The following MDGA2 variants were observed in gnomAD, a reference collection of about 807,000 sequenced individuals.
MDGA2 encodes the protein MAM domain-containing glycosylphosphatidylinositol anchor protein 2.
Under a neutral mutation model 117.8 loss-of-function variants are expected in MDGA2, and 40 were observed. The observed-to-expected ratio is 0.34, with a 90% CI of 0.26 to 0.44. The LOEUF is 0.44. Among genes scored for constraint, MDGA2 ranks in the 20% least tolerant of loss-of-function variants. The pLI is 1.00. For synonymous variants in MDGA2, 452 were observed against 439.0 expected (o/e 1.03, Z -0.37); for missense variants, 1,123 against 1,250.6 (o/e 0.90, Z 1.54).
chr14:47,437,220 C>A (rs1363014529), intron 1 of MDGA2, among the ~76,000 whole-genome samples: 1 of 151,996 alleles, frequency 6.6e-6, no homozygotes, highest in Non-Finnish European at 1.5e-5. Context: ...ACTACATGGA[C>A]AACTAGCATT....
chr14:47,083,056 A>G (rs1890766362), intron 6 of MDGA2, among the ~76,000 whole-genome samples: 1 of 151,984 alleles, frequency 6.6e-6, no homozygotes, highest in Non-Finnish European at 1.5e-5. Flanking sequence ...ACAAGGAGGA[A>G]AAATTAGGAC....
chr14:47,241,479 T>G (rs1171559431), intron 2 of MDGA2, among the ~76,000 whole-genome samples: 1 of 151,934 alleles, frequency 6.6e-6, no homozygotes, highest in Non-Finnish European at 1.5e-5. Context: ...TGTTTGTTTT[T>G]TGTGTGTGTT....
intron 2 of MDGA2, among the ~76,000 whole-genome samples, chr14:47,234,148 C>T (rs1188196687): frequency 6.6e-6 from 1 of 151,622 alleles, no homozygotes. Context: ...TTACCAGACA[C>T]AGTAACTTAA....
At position 47,054,353 on chromosome 14, in the gene MDGA2, TA is replaced by T. The variant is rs201528975; in HGVS notation, c.1525+6895del. Among the ~76,000 whole-genome samples, 348 of 151,936 alleles carry T rather than the reference TA, an allele frequency of 2.3e-3. 6 individuals carry two copies. In the East Asian group the frequency reaches 0.044, roughly 19 times the overall value. ...ATTATTATTATTATACTTTAAGTTTTAGGGTACATGTGCACAATGTGCAGGT... is the reference window on the plus strand; with the variant it reads ...ATTATTATTATTATACTTTAAGTTTTGGGTACATGTGCACAATGTGCAGGT... On this transcript the variant is annotated intron_variant, in intron 7 of 16. Coordinates refer to ENST00000399232, the MANE Select transcript of MDGA2 (RefSeq NM_001113498.3).
At chr14:47,026,982 G>C (rs1339273950) in intron 8 of MDGA2, among the ~76,000 whole-genome samples, 1 of 151,738 alleles carries the variant, frequency 6.6e-6, no homozygotes, top group Non-Finnish European at 1.5e-5. Context: ...ATCCAGGCTG[G>C]GCAACATAGC....
At chr14:47,479,085 G>T (rs1382158258) in intron 1 of MDGA2, among the ~76,000 whole-genome samples, 1 of 152,152 alleles carries the variant, frequency 6.6e-6, no homozygotes, top group Non-Finnish European at 1.5e-5. Flanking sequence ...TTTGCAAGGT[G>T]ATTTGCATAT....
chr14:46,851,891 T>C (rs1200985707), intron 15 of MDGA2, among the ~76,000 whole-genome samples: 1 of 137,990 alleles, frequency 7.2e-6, no homozygotes, highest in Non-Finnish European at 1.6e-5. Flanking sequence ...TGACAAGTTA[T>C]AAAAGATTTT....
At chr14:47,395,897 T>A (rs1251884514) in intron 1 of MDGA2, among the ~76,000 whole-genome samples, 2 of 152,162 alleles carry the variant, frequency 1.3e-5, no homozygotes. Flanking sequence ...AAGGACCATT[T>A]TTCTTTTAAC....
chr14:47,253,544 C>A (rs1887516172), intron 2 of MDGA2, among the ~76,000 whole-genome samples: 1 of 152,242 alleles, frequency 6.6e-6, no homozygotes, highest in Non-Finnish European at 1.5e-5. Context: ...CATGCTGATG[C>A]AAGAGGTGGG....
chr14:47,261,516 G>A lies in MDGA2; in HGVS notation c.420+39895C>T, dbSNP rs143721261. On this transcript the variant is annotated intron_variant, in intron 2 of 16. Coordinates refer to ENST00000399232, the MANE Select transcript of MDGA2 (RefSeq NM_001113498.3). ...GAATGGCATATCATAAGATGTTAAA[G>A]CAGATGGCCTAAGTCACAGTGCTAC... Among the ~76,000 whole-genome samples the A allele has an allele frequency of 2.3e-3, 357 of 152,238 alleles. 4 individuals are homozygous for A. Among genetic ancestry groups the A allele is most frequent in the African/African-American group, 6.9e-3 (286 of 41,554 alleles).
chr14:46,999,202 A>G (rs1424863408), intron 8 of MDGA2, among the ~76,000 whole-genome samples: 2 of 149,292 alleles, frequency 1.3e-5, no homozygotes, highest in East Asian at 3.9e-4. Context: ...CTGTTGTCAC[A>G]GCAGGTAAAA....
rs112984864 is a variant in MDGA2 at position 46,981,552 on chromosome 14, C to T, written c.1820-23909G>A. ...TATGGCTAAGTTAAAGAAGATAAGG[C>T]GTAAATATATGAACCTTTAAATAAT... On this transcript the variant is annotated intron_variant, in intron 8 of 16. Coordinates refer to ENST00000399232, the MANE Select transcript of MDGA2 (RefSeq NM_001113498.3). 1.9e-3 allele frequency among the ~76,000 whole-genome samples: 296 copies of T among 152,128 alleles called. 2 individuals carry two copies. Among genetic ancestry groups the T allele is most frequent in the African/African-American group, 5.5e-3 (230 of 41,500 alleles).
chr14:47,047,369 T>A (rs1341910602), intron 7 of MDGA2, among the ~76,000 whole-genome samples: 1 of 152,122 alleles, frequency 6.6e-6, no homozygotes, highest in African/African-American at 2.4e-5. Context: ...AAAATAAGAA[T>A]TTAATGAGTA....
intron 2 of MDGA2, among the ~76,000 whole-genome samples, chr14:47,242,797 C>G (rs1029891701): frequency 6.6e-6 from 1 of 151,874 alleles, no homozygotes; most frequent in Non-Finnish European, 1.5e-5. Context: ...GGCACCGAGT[C>G]CCATCGACCA....
intron 3 of MDGA2, among the ~76,000 whole-genome samples, chr14:47,179,715 C>A (rs1884622518): frequency 6.6e-6 from 1 of 151,896 alleles, no homozygotes; most frequent in Non-Finnish European, 1.5e-5. Context: ...GAATGTTAAA[C>A]TAACAATTAT....
chr14:46,964,963 G>A (rs185166164), intron 8 of MDGA2, among the ~76,000 whole-genome samples: 12 of 96,918 alleles, frequency 1.2e-4, no homozygotes, highest in South Asian at 3.3e-4. Context: ...TCGCTCTGTC[G>A]TCCAGGCTGG....
chr14:47,341,182 G>A (rs1890611507), intron 1 of MDGA2, among the ~76,000 whole-genome samples: 1 of 152,200 alleles, frequency 6.6e-6, no homozygotes, highest in Non-Finnish European at 1.5e-5. Context: ...TTTTAAGGAA[G>A]ATTGCAGTTA....
At chr14:47,041,083 T>G (rs981911220) in intron 7 of MDGA2, among the ~76,000 whole-genome samples, 2 of 152,168 alleles carry the variant, frequency 1.3e-5, no homozygotes, top group African/African-American at 4.8e-5. Context: ...ATATAGTAAT[T>G]CTACAATTAG....
intron 1 of MDGA2, among the ~76,000 whole-genome samples, chr14:47,529,178 A>C (rs1895039841): frequency 6.6e-6 from 1 of 151,826 alleles, no homozygotes; most frequent in Admixed American, 6.6e-5. Context: ...TTTTTTTTAC[A>C]AACTTTTTTA....
Sources: allele counts gnomAD v4.1 joint callset (sites outside exome capture counted in the v4.1 genomes callset), GRCh38; gene constraint gnomAD v4.1.1; transcripts MANE v1.5; gene names NCBI Gene and HGNC (gene_info 2026-07-23, HGNC 2026-07-21).